Variants in GLTP observed in about 807,000 individuals in gnomAD.
The protein encoded by GLTP is glycolipid transfer protein.
In GLTP, 22 loss-of-function variants were observed where a neutral mutation model predicts 24.0. The observed-to-expected ratio is 0.92, with a 90% confidence interval of 0.65 to 1.31. The LOEUF (loss-of-function observed/expected upper bound fraction) is 1.31, where lower values mean the gene tolerates loss of function less well. Ranked by LOEUF, GLTP falls within the 50% of genes most tolerant of loss-of-function variation. The pLI is 0.00. For missense variants in GLTP, 224 were observed against 276.6 expected (o/e 0.81, Z 1.35); for synonymous variants, 92 against 115.9 (o/e 0.79, Z 1.33).
At chr12:109,870,120 A>T (rs1415750158) in intron 1 of GLTP, among the ~76,000 whole-genome samples, 2 of 152,110 alleles carry the variant, frequency 1.3e-5, no homozygotes, top group African/African-American at 4.8e-5. Flanking sequence ...ATAAAGTTGT[A>T]TAAATAAAGG....
intron 3 of GLTP, among the ~76,000 whole-genome samples, chr12:109,856,169 C>T (rs1592888447): frequency 6.6e-6 from 1 of 152,174 alleles, no homozygotes; most frequent in African/African-American, 2.4e-5. Flanking sequence ...ACTGTGGATA[C>T]ACTGGGCACA....
chr12:109,868,884 G>A (rs1311259265), intron 1 of GLTP, among the ~76,000 whole-genome samples: 2 of 152,018 alleles, frequency 1.3e-5, no homozygotes, highest in Non-Finnish European at 2.9e-5. Flanking sequence ...CTTACTATAA[G>A]GCCTATTTTT....
intron 1 of GLTP, among the ~76,000 whole-genome samples, chr12:109,860,641 T>A (rs1178062922): frequency 6.6e-6 from 1 of 151,976 alleles, no homozygotes; most frequent in Non-Finnish European, 1.5e-5. Context: ...TCACACCCAG[T>A]AGAATGTTCT....
In GLTP at chr12:109,853,294, G is replaced by C. The variant is rs576358815; in HGVS notation, c.448-557C>G. ...GTCTCTCTTTTGTCCTTAGGGGGGC[G>C]ATACTTCCCTAAATTTCAGAGCTGC... On this transcript the variant is annotated intron_variant, in intron 4 of 4. Coordinates refer to ENST00000318348, the MANE Select transcript of GLTP (RefSeq NM_016433.4). Among the ~76,000 whole-genome samples, 64 of 152,150 alleles carry C rather than the reference G, an allele frequency of 4.2e-4. 1 individual carries two copies. Among genetic ancestry groups the C allele is most frequent in the Non-Finnish European group, 6.9e-4 (47 of 68,006 alleles).
intron 1 of GLTP, among the ~76,000 whole-genome samples, chr12:109,864,528 C>T (rs1351797904): frequency 6.6e-6 from 1 of 152,160 alleles, no homozygotes; most frequent in Non-Finnish European, 1.5e-5. Flanking sequence ...TGGGCTGAAG[C>T]CTGTTTCAAC....
At chr12:109,862,410 C>G (rs1234636000) in intron 1 of GLTP, among the ~76,000 whole-genome samples, 1 of 152,176 alleles carries the variant, frequency 6.6e-6, no homozygotes. Context: ...CATAATAACG[C>G]CGGAGCCAAG....
intron 1 of GLTP, among the ~76,000 whole-genome samples, chr12:109,862,138 G>A (rs530695324): frequency 6.6e-6 from 1 of 152,180 alleles, no homozygotes; most frequent in Non-Finnish European, 1.5e-5. Flanking sequence ...CCCTAGGGTG[G>A]TCACGTCAGA....
intron 1 of GLTP, among the ~76,000 whole-genome samples, chr12:109,859,345 C>T (rs143754920): frequency 9.6e-4 from 146 of 152,300 alleles, no homozygotes; most frequent in African/African-American, 3.3e-3. Context: ...CATGGTGAAA[C>T]CTTGTCTCTA....
At chr12:109,853,191 C>G (rs1892750144) in intron 4 of GLTP, among the ~76,000 whole-genome samples, 1 of 152,130 alleles carries the variant, frequency 6.6e-6, no homozygotes, top group Non-Finnish European at 1.5e-5. Context: ...CTCTGGGTTC[C>G]CTGCTCCAGA....
intron 1 of GLTP, among the ~76,000 whole-genome samples, chr12:109,860,824 C>G (rs933387806): frequency 6.6e-6 from 1 of 152,244 alleles, no homozygotes; most frequent in African/African-American, 2.4e-5. Context: ...TCCTCTCCCT[C>G]TTTTGTCACC....
chr12:109,877,837 A>T (rs1308181213), intron 1 of GLTP, among the ~76,000 whole-genome samples: 1 of 152,230 alleles, frequency 6.6e-6, no homozygotes, highest in Non-Finnish European at 1.5e-5. Flanking sequence ...CTCGTGGAAG[A>T]ATCCTCCTAA....
chr12:109,875,393 A>G (rs1868852455), intron 1 of GLTP, among the ~76,000 whole-genome samples: 1 of 152,176 alleles, frequency 6.6e-6, no homozygotes. Flanking sequence ...CAATACTGCC[A>G]TGTGTGGGGC....
intron 1 of GLTP, chr12:109,859,822 A>T (rs985192043): frequency 2.6e-5 from 4 of 153,874 alleles, no homozygotes; most frequent in African/African-American, 9.6e-5. Flanking sequence ...TATTTTCATG[A>T]TGCTGCTGAG....
rs1485239986 is a variant in GLTP at position 109,858,699 on chromosome 12, A to G, written c.146T>C (p.Ile49Thr). ...SPVFTPIKAD[I>T]SGNITKIKAV... ...GGTACATACCGTGATGTTGCCGCTT[A>G]TGTCTGCCTTGATGGGAGTAAACAC... The change falls in exon 2 of 5, where the codon ATA becomes ACA. Residue 49 changes from isoleucine to threonine, a missense_variant. By Grantham distance (89) the Ile-to-Thr change is moderately conservative. Coordinates refer to ENST00000318348, the MANE Select transcript of GLTP (RefSeq NM_016433.4). 1 of 1,613,212 alleles carries G rather than the reference A, an allele frequency of 6.2e-7. No individual in the cohort carries two copies. Among genetic ancestry groups the G allele is most frequent in the Non-Finnish European group, 8.5e-7 (1 of 1,179,190 alleles).
At chr12:109,874,532 C>A (rs887468973) in intron 1 of GLTP, among the ~76,000 whole-genome samples, 16 of 152,078 alleles carry the variant, frequency 1.1e-4, no homozygotes, top group African/African-American at 3.6e-4. Flanking sequence ...AGAATCATTA[C>A]CTTCAGCTCT....
chr12:109,871,297 G>C (rs1461716996), intron 1 of GLTP, among the ~76,000 whole-genome samples: 1 of 151,776 alleles, frequency 6.6e-6, no homozygotes, highest in Non-Finnish European at 1.5e-5. Context: ...ATGTTGGCCA[G>C]GCTGGTCTCA....
At chr12:109,873,688 A>G (rs1483396816) in intron 1 of GLTP, among the ~76,000 whole-genome samples, 1 of 151,810 alleles carries the variant, frequency 6.6e-6, no homozygotes, top group African/African-American at 2.4e-5. Context: ...ACACGCCTAT[A>G]ATCCCAACTA....
Position 109,855,432 on chromosome 12 carries a change from C to T in GLTP, c.447+187G>A, listed in dbSNP as rs544568882. Among the ~76,000 whole-genome samples the T allele has an allele frequency of 1.3e-5, 2 of 152,270 alleles. No individual in the cohort carries two copies. Among genetic ancestry groups the T allele is most frequent in the Admixed American group, 1.3e-4 (2 of 15,298 alleles). ...ACACCCGCTGCAGCTGTGAATGGGG[C>T]TGGCCAAGGGCACGGGAGGGGGACC... On this transcript the variant is annotated intron_variant, in intron 4 of 4. Transcript: ENST00000318348. This position sits in a 1 kb window ranked among gnomAD's most constrained non-coding sequence, Gnocchi z 4.1.
At chr12:109,865,852 C>T (rs149061956) in intron 1 of GLTP, among the ~76,000 whole-genome samples, 117 of 152,334 alleles carry the variant, frequency 7.7e-4, no homozygotes, top group Admixed American at 1.6e-3. Context: ...GAACAGCTGG[C>T]AAACGGCCCC....
Sources: allele counts gnomAD v4.1 joint callset (sites outside exome capture counted in the v4.1 genomes callset), GRCh38; gene constraint gnomAD v4.1.1; non-coding constraint Gnocchi (gnomAD v3.1); transcripts MANE v1.5; gene names NCBI Gene and HGNC (gene_info 2026-07-23, HGNC 2026-07-21).